Variants in HMCN2 observed in about 807,000 individuals in gnomAD.
The protein encoded by HMCN2 is hemicentin 2.
In HMCN2, 325 loss-of-function variants were observed where a neutral mutation model predicts 377.5. The ratio of observed to expected loss-of-function variants is 0.86; its 90% CI spans 0.79 to 0.94. The LOEUF is 0.94. HMCN2 is among the 40% of genes least tolerant of loss of function. The probability of loss-of-function intolerance (pLI) is 0.00; values close to 1 mark genes in which losing one functional copy is unlikely to be tolerated. For missense variants in HMCN2, 4,543 were observed against 4,725.3 expected, an observed-to-expected ratio of 0.96 and a Z score of 1.13; for synonymous variants, 2,007 against 2,046.8, an observed-to-expected ratio of 0.98 and a Z score of 0.53.
intron 16 of HMCN2, among the ~76,000 whole-genome samples, chr9:130,320,051 C>G (rs1837764760): frequency 6.6e-6 from 1 of 152,184 alleles, no homozygotes; most frequent in African/African-American, 2.4e-5. Context: ...TACCCTACCA[C>G]CCACTCTTTA....
chr9:130,413,550 T>A (rs1284771674), intron 85 of HMCN2, among the ~76,000 whole-genome samples: 2 of 152,188 alleles, frequency 1.3e-5, no homozygotes, highest in Non-Finnish European at 2.9e-5. Flanking sequence ...GGACTTTATA[T>A]AGAAGCAAAC....
In HMCN2 at chr9:130,391,557, A is replaced by C; in HGVS notation, c.9935A>C (p.His3312Pro). ...HNPAGEDARL[H>P]TVNVLVPPTI... is the part of the protein sequence containing the mutation. ...CCAGCCGGGGAGGACGCCAGGCTGCACACGGTGAATGTGCTGGGTGAGGAG... is the reference window on the plus strand; with the variant it reads ...CCAGCCGGGGAGGACGCCAGGCTGCCCACGGTGAATGTGCTGGGTGAGGAG... Residue 3312 changes from histidine to proline, a missense_variant, in exon 65 of 98, where the codon CAC (histidine) becomes CCC (proline). By Grantham distance (77) the His-to-Pro change is moderately conservative. This residue lies in a region of HMCN2 where 1,073 missense variants were observed against 1,319.5 expected (regional missense o/e 0.81). Coordinates refer to ENST00000683500, the MANE Select transcript of HMCN2 (RefSeq NM_001291815.2). 1.0e-6 allele frequency: 1 copy of C among 987,420 alleles called. No homozygotes were observed. Among genetic ancestry groups the C allele is most frequent in the Non-Finnish European group, 1.2e-6 (1 of 830,158 alleles). The allele number at this position is 987,420 out of a possible 1,614,324, so 61.2% of individuals were successfully genotyped here.
intron 74 of HMCN2, 41 bp from the exon 75 acceptor site, chr9:130,398,495 AGCCCCCAGCCCCTGT>A: frequency 1.0e-6 from 1 of 992,934 alleles, no homozygotes; most frequent in Non-Finnish European, 1.3e-6. Flanking sequence ...AGCCTCAGAG[AGCCCCCAGCCCCTGT>A]GCCCCCTGCA....
At chr9:130,385,850 A>G in intron 60 of HMCN2, 88 bp downstream of exon 60, 1 of 941,916 alleles carries the variant, frequency 1.1e-6, no homozygotes, top group South Asian at 1.4e-5. Flanking sequence ...GAAGGTGGGC[A>G]GGATGTGAGT....
chr9:130,422,612 G>T lies in HMCN2; in HGVS notation c.13267G>T (p.Val4423Leu), dbSNP rs1021731631. 7.5e-6 allele frequency: 10 copies of T among 1,329,600 alleles called. No individual in the cohort carries two copies. The African/African-American group carries it at 1.1e-4, about 14-fold the overall frequency. The allele number at this position is 1,329,600 out of a possible 1,614,324, so 82.4% of individuals were successfully genotyped here. ...GGGGAGCTGGGGCAGCATGACTGGG[G>T]TGATAAATGGCCGGAAATTTGGCGT... ...PQGSWGSMTG[V>L]INGRKFGVAT... Residue 4423 changes from valine (V) to leucine (L), a missense_variant, in exon 87 of 98, where the codon GTG (valine) becomes TTG (leucine). This residue lies in a region of HMCN2 where 1,155 missense variants were observed against 1,157.7 expected (regional missense o/e 1.00). Coordinates refer to ENST00000683500, the MANE Select transcript of HMCN2 (RefSeq NM_001291815.2). The surrounding 1 kb of genome is among the most constrained non-coding windows in gnomAD (Gnocchi z 4.2).
chr9:130,306,169 C>A lies in HMCN2; in HGVS notation c.1857C>A (p.Phe619Leu). The change falls in exon 12 of 98, where the codon TTC becomes TTA. Residue 619 changes from phenylalanine (F) to leucine (L), a missense_variant. Physicochemically the swap from Phe to Leu is conservative, Grantham distance 22. Coordinates refer to ENST00000683500, the MANE Select transcript of HMCN2 (RefSeq NM_001291815.2). ...GCATCCACACCAGCTCCCAGCACTT[C>A]TCCCAAGGTGTGGAGGTGAAGGTCA... ...QVSIHTSSQH[F>L]SQGVEVKVSC... The A allele has an allele frequency of 2.1e-6, 1 of 471,164 alleles. No individual in the cohort carries two copies. The highest frequency in any genetic ancestry group is 4.4e-6 in the Non-Finnish European group (1 of 227,040). 29.2% of individuals were successfully genotyped at this position (471,164 alleles called of 1,614,324 possible).
At chr9:130,407,077 C>T (rs1218535342) in intron 82 of HMCN2, 1 of 153,738 alleles carries the variant, frequency 6.5e-6, no homozygotes, top group Non-Finnish European at 1.4e-5. Context: ...ATGGTGAAAC[C>T]CCATCTCTAC....
chr9:130,410,518 C>A, intron 84 of HMCN2, 53 bp from the exon 85 acceptor site: 1 of 1,506,126 alleles, frequency 6.6e-7, no homozygotes, highest in East Asian at 2.5e-5. Context: ...ACTGTCTGAG[C>A]CACTCATCTT....
intron 6 of HMCN2, among the ~76,000 whole-genome samples, chr9:130,296,173 A>G (rs1471486705): frequency 6.6e-6 from 1 of 152,144 alleles, no homozygotes; most frequent in Admixed American, 6.5e-5. Flanking sequence ...ACTGTGGGCC[A>G]GTTTGGCTCC....
At chr9:130,418,746 C>A in intron 85 of HMCN2, 26 bp from the exon 86 acceptor site, 1 of 1,386,624 alleles carries the variant, frequency 7.2e-7, no homozygotes. Context: ...TTAAATGTTC[C>A]TAAAAGCCAC....
chr9:130,275,687 T>C (rs528039631), intron 1 of HMCN2, among the ~76,000 whole-genome samples: 2 of 152,304 alleles, frequency 1.3e-5, no homozygotes, highest in South Asian at 4.1e-4. Flanking sequence ...TGACCTCAAG[T>C]GATCCCCCTG....
chr9:130,348,237 C>G (rs949802581), intron 26 of HMCN2, among the ~76,000 whole-genome samples: 2 of 152,228 alleles, frequency 1.3e-5, no homozygotes, highest in Admixed American at 1.3e-4. Flanking sequence ...GGGGACCCTC[C>G]CTGGTCACTG....
chr9:130,315,968 G>C lies in HMCN2; in HGVS notation c.2351-3527G>C, dbSNP rs1023124166. On this transcript the variant is annotated intron_variant, in intron 15 of 97. Coordinates refer to ENST00000683500, the MANE Select transcript of HMCN2 (RefSeq NM_001291815.2). ...CCAATACCATCACACTGGGGCTCAG[G>C]CTTCAACATATGGGTTTGTGGGGGA... 3.2e-3 allele frequency among the ~76,000 whole-genome samples: 481 copies of C among 152,298 alleles called. 10 individuals are homozygous for C. Among genetic ancestry groups the C allele is most frequent in the East Asian group, 0.012 (64 of 5,172 alleles).
chr9:130,392,047 C>T lies in HMCN2; in HGVS notation c.10065C>T (p.Ser3355=), dbSNP rs959937217. The T allele has an allele frequency of 1.9e-5, 19 of 988,406 alleles. No individual in the cohort carries two copies. In the African/African-American group the frequency reaches 3.1e-4, roughly 16 times the overall value. 61.2% of individuals were successfully genotyped at this position (988,406 alleles called of 1,614,324 possible). ...PVRGSPPIHV[S]WLKDGLPLPL... is the part of the protein sequence containing the mutation. Reference sequence around the variant, plus strand: ...GGGGCTCCCCGCCCATCCACGTGAGCTGGCTCAAGGACGGCCTGCCCCTCC... The same window carrying T: ...GGGGCTCCCCGCCCATCCACGTGAGTTGGCTCAAGGACGGCCTGCCCCTCC... The change falls in exon 66 of 98, where the codon AGC becomes AGT. Residue 3355 remains serine (S), a synonymous_variant. Coordinates refer to ENST00000683500, the MANE Select transcript of HMCN2 (RefSeq NM_001291815.2).
chr9:130,286,106 C>A, intron 3 of HMCN2, 82 bp from the exon 4 acceptor site: 1 of 453,894 alleles, frequency 2.2e-6, no homozygotes, highest in South Asian at 1.6e-5. Context: ...CCAGGTCACT[C>A]CACCCTGGTC....
At position 130,365,659 on chromosome 9, in the gene HMCN2, G is replaced by A. The variant is rs988922633; in HGVS notation, c.6437G>A (p.Gly2146Asp). The A allele has an allele frequency of 1.1e-4, 113 of 985,934 alleles. No individual in the cohort carries two copies. Among genetic ancestry groups the A allele is most frequent in the Middle Eastern group, 5.2e-4 (1 of 1,936 alleles). The allele number at this position is 985,934 out of a possible 1,614,324, so 61.1% of individuals were successfully genotyped here. ...QVDRADVWDA[G>D]HYTCEALNQA... The stretch of plus-strand genomic sequence containing the variant: ...GACAGAGCCGATGTGTGGGATGCGG[G>A]CCATTACACCTGTGAGGCACTGAAC... Residue 2146 changes from glycine to aspartate, a missense_variant, in exon 42 of 98, where the codon GGC (glycine) becomes GAC (aspartate). Physicochemically the swap from Gly to Asp is moderately conservative, Grantham distance 94. Coordinates refer to ENST00000683500, the MANE Select transcript of HMCN2 (RefSeq NM_001291815.2).
Position 130,396,278 on chromosome 9 carries a change from G to A in HMCN2, c.11163G>A (p.Arg3721=). The A allele has an allele frequency of 7.8e-7, 1 of 1,283,662 alleles. No individual in the cohort carries two copies. The highest frequency in any genetic ancestry group is 1.2e-5 in the South Asian group (1 of 80,878). The allele number at this position is 1,283,662 out of a possible 1,614,324, so 79.5% of individuals were successfully genotyped here. ...TGCCCGCACCCCTCGTGAGCTGGCG[G>A]AAGGACAGGGTCCCCCTGGATCCCA... The part of the protein sequence containing the change: ...DGVPAPLVSW[R]KDRVPLDPRS... The change falls in exon 73 of 98, where the codon CGG becomes CGA. Residue 3721 remains arginine (R), a synonymous_variant. Coordinates refer to ENST00000683500, the MANE Select transcript of HMCN2 (RefSeq NM_001291815.2).
At chr9:130,429,310 C>T (rs750206988) in intron 93 of HMCN2, 68 of 550,254 alleles carry the variant, frequency 1.2e-4, no homozygotes, top group Non-Finnish European at 2.0e-4. Context: ...GAGAGCTCAG[C>T]GGAACCCAGG....
chr9:130,286,368 C>T (rs140818374), intron 4 of HMCN2, 58 bp downstream of exon 4: 2 of 460,808 alleles, frequency 4.3e-6, no homozygotes, highest in South Asian at 1.6e-5. Flanking sequence ...GGTGAGGACA[C>T]TGACCATCCC....
Sources: gnomAD v4.1 joint callset for allele counts (sites outside exome capture counted in the v4.1 genomes callset) on GRCh38, gnomAD v4.1.1 for gene constraint, gnomAD v4.1.1 regional missense constraint, Gnocchi (gnomAD v3.1) non-coding constraint, MANE v1.5 for transcripts, NCBI Gene and HGNC (gene_info 2026-07-23, HGNC 2026-07-21) for gene names.